NALF1: variants seen among roughly 807,000 people sequenced by gnomAD.
NALF1 encodes NALCN channel auxiliary factor 1.
Under a neutral mutation model 48.4 loss-of-function variants are expected in NALF1, and 3 were observed. That is an observed-to-expected ratio of 0.06 (90% confidence interval 0.03 to 0.16). The LOEUF (loss-of-function observed/expected upper bound fraction) is 0.16. Among genes scored for constraint, NALF1 ranks in the 10% least tolerant of loss-of-function variants. The pLI is 1.00. For synonymous variants in NALF1, 262 were observed against 245.7 expected, an observed-to-expected ratio of 1.07 and a Z score of -0.62; for missense variants, 526 against 571.5, an observed-to-expected ratio of 0.92 and a Z score of 0.81.
At chr13:107,546,774 C>CTACCAATACGTATA (rs1420238532) in intron 1 of NALF1, among the ~76,000 whole-genome samples, 1 of 152,112 alleles carries the variant, frequency 6.6e-6, no homozygotes, top group African/African-American at 2.4e-5. Flanking sequence ...TGATATACGA[C>CTACCAATACGTATA]TACCAAGCTG....
chr13:107,254,062 A>AAAAAAAAAAATATATATATAT lies in NALF1; in HGVS notation c.916-43308_916-43307insATATATATATATTTTTTTTTT. Among the ~76,000 whole-genome samples, 8 of 138,582 alleles carry AAAAAAAAAAATATATATATAT rather than the reference A, an allele frequency of 5.8e-5. 1 individual carries two copies. Among genetic ancestry groups the AAAAAAAAAAATATATATATAT allele is most frequent in the African/African-American group, 2.2e-4 (8 of 36,958 alleles). 90.9% of individuals were successfully genotyped at this position (138,582 alleles called of 152,430 possible). A position where few individuals can be genotyped will look rare whatever the true frequency, so the allele number is the denominator to read the frequency against. ...AGATGTTTAAGGGAGCAAGTACTAA[A>AAAAAAAAAAATATATATATAT]ATATATATATATATATTAAGCACAC... On this transcript the variant is annotated intron_variant, in intron 1 of 2. Transcript: ENST00000375915.
At chr13:107,711,792 T>C (rs1415742967) in intron 1 of NALF1, among the ~76,000 whole-genome samples, 1 of 152,226 alleles carries the variant, frequency 6.6e-6, no homozygotes, top group Non-Finnish European at 1.5e-5. Context: ...TAAAAACTAC[T>C]ACTTCTAGAA....
At position 107,713,004 on chromosome 13, in the gene NALF1, T is replaced by C. The variant is rs78600347; in HGVS notation, c.915+152678A>G. 9.7e-3 allele frequency among the ~76,000 whole-genome samples: 1,471 copies of C among 152,288 alleles called. 25 individuals are homozygous for C. Among genetic ancestry groups the C allele is most frequent in the African/African-American group, 0.034 (1,398 of 41,554 alleles). On this transcript the variant is annotated intron_variant, in intron 1 of 2. Coordinates refer to ENST00000375915, the MANE Select transcript of NALF1 (RefSeq NM_001080396.3). The stretch of plus-strand genomic sequence containing the variant: ...TAACCTGACACTGGGGAGCGAGCCC[T>C]TCTCCTTGGCTCCAGAACAGGACAT...
chr13:107,612,451 C>G (rs1879257557), intron 1 of NALF1, among the ~76,000 whole-genome samples: 1 of 152,046 alleles, frequency 6.6e-6, no homozygotes, highest in South Asian at 2.1e-4. Context: ...ATGGATTGCC[C>G]AGACTCTTGG....
chr13:107,534,870 AT>A (rs1326320787), intron 1 of NALF1, among the ~76,000 whole-genome samples: 2 of 152,184 alleles, frequency 1.3e-5, no homozygotes, highest in African/African-American at 2.4e-5. Context: ...AGTGTGAAGC[AT>A]TTTTTTCTTC....
intron 1 of NALF1, among the ~76,000 whole-genome samples, chr13:107,324,341 C>A (rs1882309319): frequency 6.6e-6 from 1 of 152,108 alleles, no homozygotes; most frequent in Non-Finnish European, 1.5e-5. Flanking sequence ...TTTAATATTT[C>A]TTTCCTCTAG....
intron 1 of NALF1, among the ~76,000 whole-genome samples, chr13:107,605,679 C>A (rs900331966): frequency 1.4e-4 from 22 of 152,122 alleles, no homozygotes; most frequent in Non-Finnish European, 1.8e-4. Flanking sequence ...TGTTCTATAG[C>A]CTAAAAATGT....
intron 1 of NALF1, among the ~76,000 whole-genome samples, chr13:107,570,058 C>A (rs1301626528): frequency 1.3e-5 from 2 of 151,932 alleles, no homozygotes; most frequent in African/African-American, 4.8e-5. Flanking sequence ...GGTTCTATGA[C>A]CTTATTGAAC....
chr13:107,183,882 T>C (rs1380068811), intron 2 of NALF1, among the ~76,000 whole-genome samples: 1 of 152,074 alleles, frequency 6.6e-6, no homozygotes, highest in Non-Finnish European at 1.5e-5. Context: ...TTAGGAGAAA[T>C]ACCTAATGTA....
At chr13:107,757,738 C>T (rs1877151643) in intron 1 of NALF1, among the ~76,000 whole-genome samples, 2 of 152,082 alleles carry the variant, frequency 1.3e-5, no homozygotes, top group African/African-American at 2.4e-5. Context: ...CTTAAGAAAA[C>T]TCTTAAGAGT....
chr13:107,600,211 T>C lies in NALF1; in HGVS notation c.915+265471A>G, dbSNP rs569834840. ...TACAGTGACGATTGGAAGACAGCAA[T>C]GCAGCAATAAAATTTCATTACGTTT... On this transcript the variant is annotated intron_variant, in intron 1 of 2. Transcript: ENST00000375915. Among the ~76,000 whole-genome samples, 241 of 152,290 alleles carry C rather than the reference T, an allele frequency of 1.6e-3. 1 individual carries two copies. Among genetic ancestry groups the C allele is most frequent in the African/African-American group, 5.5e-3 (227 of 41,558 alleles).
At chr13:107,370,095 C>T (rs1883222439) in intron 1 of NALF1, among the ~76,000 whole-genome samples, 1 of 151,618 alleles carries the variant, frequency 6.6e-6, no homozygotes, top group African/African-American at 2.4e-5. Flanking sequence ...GCCTATTAAC[C>T]TGAGGCACAG....
chr13:107,618,448 A>G (rs931477779), intron 1 of NALF1, among the ~76,000 whole-genome samples: 4 of 152,324 alleles, frequency 2.6e-5, no homozygotes, highest in African/African-American at 9.6e-5. Flanking sequence ...TGAGTTTTCA[A>G]TAGAAGACTT....
At chr13:107,724,480 G>A (rs1876090062) in intron 1 of NALF1, among the ~76,000 whole-genome samples, 1 of 152,112 alleles carries the variant, frequency 6.6e-6, no homozygotes. Flanking sequence ...TCCTCAGTTT[G>A]TCTGCTTCAA....
intron 1 of NALF1, among the ~76,000 whole-genome samples, chr13:107,361,619 A>G (rs1267062237): frequency 6.6e-6 from 1 of 152,222 alleles, no homozygotes; most frequent in Non-Finnish European, 1.5e-5. Context: ...CCATCAGAAG[A>G]TGGTGCAGCA....
chr13:107,489,066 G>A (rs1451183581), intron 1 of NALF1, among the ~76,000 whole-genome samples: 4 of 152,084 alleles, frequency 2.6e-5, no homozygotes, highest in Non-Finnish European at 5.9e-5. Flanking sequence ...AGTTAACTAG[G>A]AAGGTTTAAG....
chr13:107,560,686 C>T (rs1049468873), intron 1 of NALF1, among the ~76,000 whole-genome samples: 1 of 152,170 alleles, frequency 6.6e-6, no homozygotes, highest in African/African-American at 2.4e-5. Context: ...CACTCACACA[C>T]ACTCACACAG....
intron 1 of NALF1, among the ~76,000 whole-genome samples, chr13:107,814,498 G>A (rs918584622): frequency 6.6e-6 from 1 of 152,002 alleles, no homozygotes; most frequent in Non-Finnish European, 1.5e-5. Context: ...TATATTATGC[G>A]AACAGCAACT....
intron 1 of NALF1, among the ~76,000 whole-genome samples, chr13:107,501,096 G>C (rs1566367669): frequency 6.6e-6 from 1 of 151,730 alleles, no homozygotes; most frequent in African/African-American, 2.4e-5. Flanking sequence ...AAAACTTAAA[G>C]TATAATAATA....
Sources: gnomAD v4.1 joint callset for allele counts (sites outside exome capture counted in the v4.1 genomes callset) on GRCh38, gnomAD v4.1.1 for gene constraint, MANE v1.5 for transcripts, NCBI Gene and HGNC (gene_info 2026-07-23, HGNC 2026-07-21) for gene names.